CAMTA1: variants seen among roughly 807,000 people sequenced by gnomAD.
The protein encoded by CAMTA1 is calmodulin binding transcription activator 1.
Under a neutral mutation model 170.9 loss-of-function variants are expected in CAMTA1, and 27 were observed. The ratio of observed to expected loss-of-function variants is 0.16; its 90% CI spans 0.12 to 0.22. CAMTA1 has a LOEUF of 0.22. CAMTA1 is among the 10% of genes least tolerant of loss of function. The pLI, the probability that CAMTA1 is intolerant of heterozygous loss-of-function variation, is 1.00. For synonymous variants in CAMTA1, 833 were observed against 891.5 expected, an observed-to-expected ratio of 0.93 and a Z score of 1.17; for missense variants, 1,619 against 2,217.2, an observed-to-expected ratio of 0.73 and a Z score of 5.42.
In CAMTA1 at chr1:7,224,824, G is replaced by A. The variant is rs892560633; in HGVS notation, c.303-24667G>A. Among the ~76,000 whole-genome samples the A allele has an allele frequency of 2.7e-5, 4 of 150,834 alleles. No individual in the cohort carries two copies. Among genetic ancestry groups the A allele is most frequent in the Non-Finnish European group, 4.4e-5 (3 of 68,014 alleles). On this transcript the variant is annotated intron_variant, in intron 4 of 22. Coordinates refer to ENST00000303635, the MANE Select transcript of CAMTA1 (RefSeq NM_015215.4). The surrounding 1 kb of genome is among the most constrained non-coding windows in gnomAD (Gnocchi z 5.2). ...CTGCTCCATGTCGTCTGGATGGTCC[G>A]TTGGCACCCTGCCCACCGCACTTCA...
chr1:7,502,779 C>T (rs1474223164), intron 6 of CAMTA1, among the ~76,000 whole-genome samples: 1 of 152,218 alleles, frequency 6.6e-6, no homozygotes. Context: ...AATGGCCTCG[C>T]TGGGCTTAGT....
intron 4 of CAMTA1, among the ~76,000 whole-genome samples, chr1:7,167,834 G>A (rs534087845): frequency 1.3e-5 from 2 of 151,938 alleles, no homozygotes; most frequent in African/African-American, 4.8e-5. Flanking sequence ...CTGCAGCCTC[G>A]AATTCCTAGC....
intron 4 of CAMTA1, among the ~76,000 whole-genome samples, chr1:7,230,432 A>AC (rs66934266): frequency 0.01 from 388 of 38,234 alleles, 32 homozygotes; most frequent in Middle Eastern, 0.043. Flanking sequence ...CTCTGGGCTG[A>AC]CCCCCCCCCC....
At chr1:7,593,901 G>A (rs1390716056) in intron 6 of CAMTA1, among the ~76,000 whole-genome samples, 1 of 151,404 alleles carries the variant, frequency 6.6e-6, no homozygotes, top group African/African-American at 2.4e-5. Context: ...AATTAACCTG[G>A]CATGGTGGCA....
chr1:7,692,062 C>A (rs1030983556), intron 11 of CAMTA1, among the ~76,000 whole-genome samples: 2 of 152,044 alleles, frequency 1.3e-5, no homozygotes, highest in Non-Finnish European at 2.9e-5. Context: ...CTGACTGCAG[C>A]TTTAGGATCC....
chr1:7,644,402 A>T (rs937176448), intron 7 of CAMTA1, among the ~76,000 whole-genome samples: 8 of 152,194 alleles, frequency 5.3e-5, no homozygotes, highest in Non-Finnish European at 1.2e-4. Flanking sequence ...CCCTTCTGTA[A>T]TCATGAGACT....
rs1031315581 is a variant in CAMTA1 at position 7,588,843 on chromosome 1, A to G, written c.511-51557A>G. Among the ~76,000 whole-genome samples, 3 of 152,204 alleles carry G rather than the reference A, an allele frequency of 2.0e-5. No homozygotes were observed. Among genetic ancestry groups the G allele is most frequent in the Admixed American group, 6.5e-5 (1 of 15,290 alleles). On this transcript the variant is annotated intron_variant, in intron 6 of 22. Transcript: ENST00000303635. This position sits in a 1 kb window ranked among gnomAD's most constrained non-coding sequence, Gnocchi z 5.8. ...AGTGCACTCTGTCTTCTGTAATGAA[A>G]TGGGGATGCAGTCCCACCATGTTAT...
chr1:7,598,124 C>T (rs2095414914), intron 6 of CAMTA1, among the ~76,000 whole-genome samples: 1 of 149,976 alleles, frequency 6.7e-6, no homozygotes, highest in African/African-American at 2.5e-5. Flanking sequence ...TGTGATGTTC[C>T]CCTTCCTGTG....
intron 11 of CAMTA1, among the ~76,000 whole-genome samples, chr1:7,697,953 T>C (rs1052728671): frequency 6.6e-6 from 1 of 151,964 alleles, no homozygotes; most frequent in African/African-American, 2.4e-5. Flanking sequence ...CTTGATGCCG[T>C]GGGTTGGCCA....
intron 3 of CAMTA1, among the ~76,000 whole-genome samples, chr1:6,959,544 TC>T (rs1377248488): frequency 3.3e-5 from 5 of 152,134 alleles, no homozygotes; most frequent in Non-Finnish European, 4.4e-5. Context: ...GAGATTTGCC[TC>T]AGGCTGCAAA....
At chr1:6,834,250 ATTT>A (rs1289173092) in intron 3 of CAMTA1, 1 of 147,030 alleles carries the variant, frequency 6.8e-6, no homozygotes. Flanking sequence ...TTAAAAATTT[ATTT>A]TTTAATTTTT....
chr1:7,483,106 C>T (rs772164166), intron 6 of CAMTA1, among the ~76,000 whole-genome samples: 9 of 152,078 alleles, frequency 5.9e-5, no homozygotes, highest in East Asian at 1.9e-4. Flanking sequence ...CCCAGCAGCC[C>T]GAGGTCAAGG....
At chr1:7,275,277 ATATT>A (rs1265848401) in intron 5 of CAMTA1, among the ~76,000 whole-genome samples, 2 of 152,092 alleles carry the variant, frequency 1.3e-5, no homozygotes, top group Non-Finnish European at 2.9e-5. Flanking sequence ...TGCTTACACT[ATATT>A]TACATTAAAA....
intron 5 of CAMTA1, among the ~76,000 whole-genome samples, chr1:7,450,378 A>G (rs2092793795): frequency 6.6e-6 from 1 of 152,198 alleles, no homozygotes; most frequent in Non-Finnish European, 1.5e-5. Flanking sequence ...GAACACAGAA[A>G]GTGTGGCATC....
chr1:7,762,690 C>T (rs2096984912), intron 22 of CAMTA1, among the ~76,000 whole-genome samples: 1 of 152,056 alleles, frequency 6.6e-6, no homozygotes, highest in Non-Finnish European at 1.5e-5. Flanking sequence ...CCATAAATTG[C>T]AAATTGGAGA....
At chr1:7,469,652 C>T (rs1188363025) in intron 6 of CAMTA1, among the ~76,000 whole-genome samples, 1 of 152,222 alleles carries the variant, frequency 6.6e-6, no homozygotes, top group Non-Finnish European at 1.5e-5. Context: ...CCCAGCCACC[C>T]GCTCCTCCAG....
At chr1:7,382,649 C>T (rs2087465903) in intron 5 of CAMTA1, 1 of 152,190 alleles carries the variant, frequency 6.6e-6, no homozygotes, top group South Asian at 2.1e-4. Flanking sequence ...CAAGGCTGGC[C>T]CAAGGACTCA....
chr1:7,154,317 A>G (rs539667543), intron 4 of CAMTA1, among the ~76,000 whole-genome samples: 1 of 152,216 alleles, frequency 6.6e-6, no homozygotes, highest in Non-Finnish European at 1.5e-5. Flanking sequence ...AAAAGGTGCT[A>G]TTAAGATCCT....
At chr1:7,558,248 C>T (rs1332180222) in intron 6 of CAMTA1, among the ~76,000 whole-genome samples, 1 of 152,232 alleles carries the variant, frequency 6.6e-6, no homozygotes, top group Non-Finnish European at 1.5e-5. Flanking sequence ...GCGCCAGGGC[C>T]CCCGCCCGCT....
Sources: gnomAD v4.1 joint callset for allele counts (sites outside exome capture counted in the v4.1 genomes callset) on GRCh38, gnomAD v4.1.1 for gene constraint, Gnocchi (gnomAD v3.1) non-coding constraint, MANE v1.5 for transcripts, NCBI Gene and HGNC (gene_info 2026-07-23, HGNC 2026-07-21) for gene names.